The following MYZAP variants were observed in gnomAD, a reference collection of about 807,000 sequenced individuals.
The protein encoded by MYZAP is GRINL1A complex locus upstream.
Under a neutral mutation model 69.4 loss-of-function variants are expected in MYZAP, and 66 were observed. The observed-to-expected ratio is 0.95, with a 90% confidence interval of 0.78 to 1.17. The LOEUF (loss-of-function observed/expected upper bound fraction) is 1.17, where lower values mean the gene tolerates loss of function less well. Ranked by LOEUF, MYZAP falls within the 50% of genes most tolerant of loss-of-function variation. MYZAP has a pLI of 0.00. For missense variants in MYZAP, 611 were observed against 556.2 expected, an observed-to-expected ratio of 1.10 and a Z score of -0.99; for synonymous variants, 256 against 205.9, an observed-to-expected ratio of 1.24 and a Z score of -2.09.
intron 4 of MYZAP, among the ~76,000 whole-genome samples, chr15:57,623,615 C>T (rs1292986379): frequency 2.0e-5 from 3 of 151,862 alleles, no homozygotes; most frequent in Non-Finnish European, 4.4e-5. Context: ...GGCCTGTAAT[C>T]CTAGCTACTC....
Position 57,591,953 on chromosome 15 carries a change from C to G in MYZAP, c.-82C>G. The G allele has an allele frequency of 8.2e-7, 1 of 1,225,966 alleles. No homozygotes were observed. The highest frequency in any genetic ancestry group is 1.0e-6 in the Non-Finnish European group (1 of 975,992). 75.9% of individuals were successfully genotyped at this position (1,225,966 alleles called of 1,614,324 possible). On this transcript the variant is annotated 5_prime_UTR_variant, in exon 1 of 13. Coordinates refer to ENST00000267853, the MANE Select transcript of MYZAP (RefSeq NM_001018100.5). ...AGTAGCCGGCGCCGTCCCGCGTCGC[C>G]CCCGCGCAGGGCGGGCCCCGCACGC...
At chr15:57,667,354 A>G (rs1159634745) in intron 11 of MYZAP, among the ~76,000 whole-genome samples, 1 of 152,208 alleles carries the variant, frequency 6.6e-6, no homozygotes, top group African/African-American at 2.4e-5. Flanking sequence ...TTTCCAAAAA[A>G]TGTCCAGAAG....
intron 8 of MYZAP, among the ~76,000 whole-genome samples, chr15:57,636,528 T>G (rs1238946670): frequency 2.0e-5 from 3 of 152,190 alleles, no homozygotes; most frequent in Non-Finnish European, 4.4e-5. Flanking sequence ...GTTTGCTGGG[T>G]GGAATTTCCG....
chr15:57,662,223 G>A (rs116928336), intron 11 of MYZAP, among the ~76,000 whole-genome samples: 3 of 152,186 alleles, frequency 2.0e-5, no homozygotes, highest in Admixed American at 6.5e-5. Flanking sequence ...TGCTCTAAAG[G>A]TTCTTTATTA....
chr15:57,663,982 A>G (rs2038441756), intron 11 of MYZAP, among the ~76,000 whole-genome samples: 1 of 152,184 alleles, frequency 6.6e-6, no homozygotes, highest in African/African-American at 2.4e-5. Context: ...GCATAATAAC[A>G]AGATTTAATA....
At chr15:57,611,635 T>A (rs1344396189) in intron 2 of MYZAP, among the ~76,000 whole-genome samples, 1 of 152,134 alleles carries the variant, frequency 6.6e-6, no homozygotes, top group African/African-American at 2.4e-5. Context: ...GCTTTCCTTT[T>A]CCTTCTCATC....
At chr15:57,609,670 C>G (rs544327978) in intron 2 of MYZAP, among the ~76,000 whole-genome samples, 1 of 152,276 alleles carries the variant, frequency 6.6e-6, no homozygotes, top group South Asian at 2.1e-4. Context: ...AGTAACAACT[C>G]AGATGAATTA....
chr15:57,648,068 A>T, intron 10 of MYZAP: 1 of 983,418 alleles, frequency 1.0e-6, no homozygotes, highest in Non-Finnish European at 1.2e-6. Flanking sequence ...ATTTATTGTG[A>T]ATGACAATGT....
At chr15:57,629,991 C>CA in intron 6 of MYZAP, 137 bp downstream of exon 6, 1 of 653,204 alleles carries the variant, frequency 1.5e-6, no homozygotes, top group African/African-American at 4.6e-5. Flanking sequence ...TTTTTTGAGA[C>CA]AGAGTCTCAC....
chr15:57,620,857 G>C (rs931947051), intron 3 of MYZAP, among the ~76,000 whole-genome samples: 3 of 151,882 alleles, frequency 2.0e-5, no homozygotes, highest in African/African-American at 7.3e-5. Context: ...GATGGGAAAA[G>C]GGCAAAACTT....
chr15:57,604,384 C>G (rs941587639), intron 2 of MYZAP, 29 bp downstream of exon 2: 4 of 1,612,996 alleles, frequency 2.5e-6, no homozygotes, highest in Non-Finnish European at 2.5e-6. Context: ...AAAGCCCCAA[C>G]AAGTTCCAGC....
At chr15:57,592,145 TC>T in intron 1 of MYZAP, 36 bp downstream of exon 1, 1 of 1,280,360 alleles carries the variant, frequency 7.8e-7, no homozygotes, top group Non-Finnish European at 9.9e-7. Flanking sequence ...GCCGTCCCGT[TC>T]CCCCATCCCG....
intron 11 of MYZAP, among the ~76,000 whole-genome samples, chr15:57,664,692 A>T (rs1397856360): frequency 6.6e-6 from 1 of 152,216 alleles, no homozygotes; most frequent in Non-Finnish European, 1.5e-5. Context: ...AAACCACAAA[A>T]GTTTTGGTAG....
At chr15:57,660,023 T>C (rs2140539301) in intron 10 of MYZAP, among the ~76,000 whole-genome samples, 1 of 152,300 alleles carries the variant, frequency 6.6e-6, no homozygotes, top group East Asian at 1.9e-4. Flanking sequence ...CTGTCTACCT[T>C]GCCATACACT....
chr15:57,625,070 T>C (rs950524039), intron 4 of MYZAP, among the ~76,000 whole-genome samples: 2 of 151,298 alleles, frequency 1.3e-5, no homozygotes, highest in African/African-American at 4.9e-5. Context: ...TTTTTTTTTT[T>C]AAATGAGACG....
At chr15:57,641,291 TTC>T (rs1444501901) in intron 10 of MYZAP, among the ~76,000 whole-genome samples, 7 of 152,338 alleles carry the variant, frequency 4.6e-5, no homozygotes, top group Admixed American at 3.9e-4. Flanking sequence ...AAGTTTAGAA[TTC>T]TCTGTTTCCT....
intron 12 of MYZAP, among the ~76,000 whole-genome samples, chr15:57,679,006 G>T (rs74896242): frequency 6.6e-6 from 1 of 151,964 alleles, no homozygotes; most frequent in African/African-American, 2.4e-5. Context: ...GAGAAACCCC[G>T]TCTCTACTAA....
In MYZAP at chr15:57,605,501, T is replaced by C. The variant is rs181568557; in HGVS notation, c.162+1146T>C. On this transcript the variant is annotated intron_variant, in intron 2 of 12. Coordinates refer to ENST00000267853, the MANE Select transcript of MYZAP (RefSeq NM_001018100.5). ...TATAAAAAAGAAAGCTTCTCATCGA[T>C]GGCTAAGTGTTTGATAATGTCCCTA... Among the ~76,000 whole-genome samples the C allele has an allele frequency of 4.1e-3, 619 of 152,334 alleles. 5 individuals are homozygous for C. Among genetic ancestry groups the C allele is most frequent in the African/African-American group, 0.014 (574 of 41,574 alleles).
intron 4 of MYZAP, among the ~76,000 whole-genome samples, chr15:57,624,436 C>T (rs1376375756): frequency 1.3e-5 from 2 of 152,158 alleles, no homozygotes; most frequent in African/African-American, 2.4e-5. Flanking sequence ...ATTTATCTAC[C>T]TAGCCCCTTC....
Sources: allele counts gnomAD v4.1 joint callset (sites outside exome capture counted in the v4.1 genomes callset), GRCh38; gene constraint gnomAD v4.1.1; transcripts MANE v1.5; gene names NCBI Gene and HGNC (gene_info 2026-07-23, HGNC 2026-07-21).